FOXP2: variants seen among roughly 807,000 people sequenced by gnomAD.
FOXP2 encodes forkhead box protein P2.
In FOXP2, 12 loss-of-function variants were observed where a neutral mutation model predicts 115.8. The observed-to-expected ratio is 0.10, with a 90% CI of 0.07 to 0.17. The LOEUF is 0.17. Ranked by LOEUF, FOXP2 falls within the 10% of genes least tolerant of loss-of-function variation. FOXP2 has a pLI of 1.00. For synonymous variants in FOXP2, 328 were observed against 297.7 expected (o/e 1.10, Z -1.05); for missense variants, 629 against 843.5 (o/e 0.75, Z 3.15).
At chr7:114,175,765 T>G (rs553461197) in intron 1 of FOXP2, among the ~76,000 whole-genome samples, 1 of 152,308 alleles carries the variant, frequency 6.6e-6, no homozygotes, top group East Asian at 1.9e-4. Flanking sequence ...TAAGAATGTA[T>G]TTCATTGAAA....
intron 2 of FOXP2, among the ~76,000 whole-genome samples, chr7:114,437,044 TATTC>T (rs1255158838): frequency 4.6e-5 from 7 of 152,218 alleles, no homozygotes; most frequent in African/African-American, 9.6e-5. Flanking sequence ...TATGAAAACT[TATTC>T]ATTCTTTATT....
At chr7:114,566,695 A>G (rs561113273) in intron 3 of FOXP2, among the ~76,000 whole-genome samples, 1 of 152,096 alleles carries the variant, frequency 6.6e-6, no homozygotes, top group Non-Finnish European at 1.5e-5. Context: ...CAGCAACATA[A>G]ATGTACTAAG....
chr7:114,553,762 GT>G (rs1215661961), intron 3 of FOXP2, among the ~76,000 whole-genome samples: 1 of 152,038 alleles, frequency 6.6e-6, no homozygotes. Context: ...TGAAAGTAAA[GT>G]TCTGTTTATT....
intron 1 of FOXP2, among the ~76,000 whole-genome samples, chr7:114,209,599 C>T (rs528287029): frequency 6.2e-4 from 95 of 152,178 alleles, no homozygotes; most frequent in Non-Finnish European, 1.3e-3. Context: ...TCCTTTTGAT[C>T]TTGGAGAATC....
intron 2 of FOXP2, among the ~76,000 whole-genome samples, chr7:114,493,267 T>C (rs1412708772): frequency 6.6e-6 from 1 of 152,176 alleles, no homozygotes; most frequent in Non-Finnish European, 1.5e-5. Context: ...GCTTGGTAGA[T>C]CTTCCTCCAT....
chr7:114,597,698 G>T (rs918920031), intron 3 of FOXP2, among the ~76,000 whole-genome samples: 8 of 152,060 alleles, frequency 5.3e-5, no homozygotes, highest in African/African-American at 1.9e-4. Context: ...TGTACCTAAG[G>T]GGTTAAATCT....
intron 2 of FOXP2, among the ~76,000 whole-genome samples, chr7:114,380,489 G>T (rs1459510140): frequency 6.6e-6 from 1 of 152,150 alleles, no homozygotes; most frequent in Non-Finnish European, 1.5e-5. Flanking sequence ...TAGTATACAA[G>T]TTGAGGTCGG....
chr7:114,663,653 A>T, intron 15 of FOXP2, 134 bp downstream of exon 15: 1 of 720,058 alleles, frequency 1.4e-6, no homozygotes, highest in Non-Finnish European at 2.4e-6. Flanking sequence ...AGTACCTAGT[A>T]CTATAGACAG....
intron 2 of FOXP2, among the ~76,000 whole-genome samples, chr7:114,360,877 T>C (rs1250196883): frequency 6.6e-6 from 1 of 152,172 alleles, no homozygotes; most frequent in Non-Finnish European, 1.5e-5. Context: ...CATTCAAAAA[T>C]TGTTTTATTT....
At chr7:114,364,079 G>A (rs908681845) in intron 2 of FOXP2, among the ~76,000 whole-genome samples, 1 of 151,836 alleles carries the variant, frequency 6.6e-6, no homozygotes, top group Non-Finnish European at 1.5e-5. Flanking sequence ...TTTCTTTTTG[G>A]AGCTCATTTT....
intron 1 of FOXP2, among the ~76,000 whole-genome samples, chr7:114,149,602 AT>A (rs376120503): frequency 0.011 from 1,639 of 149,318 alleles, 20 homozygotes; most frequent in African/African-American, 0.035. Flanking sequence ...CCCATTTAAC[AT>A]TTTTTTTTTA....
At chr7:114,335,272 A>G (rs1797822839) in intron 2 of FOXP2, among the ~76,000 whole-genome samples, 1 of 151,800 alleles carries the variant, frequency 6.6e-6, no homozygotes, top group Non-Finnish European at 1.5e-5. Flanking sequence ...TGTATTTTGT[A>G]TAATTTATGT....
intron 16 of FOXP2, among the ~76,000 whole-genome samples, chr7:114,677,123 G>A (rs991344530): frequency 1.3e-4 from 19 of 148,950 alleles, no homozygotes; most frequent in Non-Finnish European, 2.4e-4. Flanking sequence ...CCAAGATCAC[G>A]CCACTGCACT....
At chr7:114,335,828 G>A (rs1414442157) in intron 2 of FOXP2, among the ~76,000 whole-genome samples, 3 of 151,452 alleles carry the variant, frequency 2.0e-5, no homozygotes, top group African/African-American at 2.4e-5. Context: ...ATGGTGTGGA[G>A]TGATTATCAT....
intron 1 of FOXP2, among the ~76,000 whole-genome samples, chr7:114,182,416 A>G (rs558372660): frequency 4.6e-5 from 7 of 152,188 alleles, no homozygotes; most frequent in Admixed American, 3.9e-4. Context: ...GATTTAGCTT[A>G]GAAGAATGTA....
chr7:114,134,491 A>C (rs1437525220), intron 1 of FOXP2, among the ~76,000 whole-genome samples: 4 of 152,014 alleles, frequency 2.6e-5, no homozygotes, highest in Non-Finnish European at 4.4e-5. Context: ...AGGCGGGCGG[A>C]TCACGAGGTC....
chr7:114,233,529 C>G (rs1224594996), intron 1 of FOXP2, among the ~76,000 whole-genome samples: 1 of 152,186 alleles, frequency 6.6e-6, no homozygotes, highest in Non-Finnish European at 1.5e-5. Flanking sequence ...CCTTCAAGGG[C>G]TATGGGAATG....
chr7:114,086,630 A>G, upstream of FOXP2: 1 of 389,944 alleles, frequency 2.6e-6, no homozygotes, highest in Non-Finnish European at 5.1e-6. Context: ...CTTGGCCCTC[A>G]CTCTGGCGCG....
chr7:114,604,599 T>C (rs1469739075), intron 3 of FOXP2, among the ~76,000 whole-genome samples: 2 of 152,184 alleles, frequency 1.3e-5, no homozygotes, highest in Admixed American at 6.5e-5. Flanking sequence ...GGAATAAATA[T>C]GGTTTTCTTC....
Sources: allele counts gnomAD v4.1 joint callset (sites outside exome capture counted in the v4.1 genomes callset), GRCh38; gene constraint gnomAD v4.1.1; transcripts MANE v1.5; gene names NCBI Gene and HGNC (gene_info 2026-07-23, HGNC 2026-07-21).